Variants in CENPE observed in about 807,000 individuals in gnomAD.
The protein encoded by CENPE is centromere-associated protein E.
In CENPE, 145 loss-of-function variants were observed where a neutral mutation model predicts 336.1. That is an observed-to-expected ratio of 0.43 (90% confidence interval 0.38 to 0.50). The LOEUF (loss-of-function observed/expected upper bound fraction) is 0.50, where lower values mean the gene tolerates loss of function less well. Among genes scored for constraint, CENPE ranks in the 20% least tolerant of loss-of-function variants. The pLI is 0.00. For synonymous variants in CENPE, 1,013 were observed against 984.8 expected (o/e 1.03, Z -0.54); for missense variants, 2,719 against 3,023.3 (o/e 0.90, Z 2.36).
intron 42 of CENPE, among the ~76,000 whole-genome samples, chr4:103,123,590 C>T (rs113525994): frequency 4.6e-5 from 7 of 152,116 alleles, no homozygotes; most frequent in Admixed American, 1.3e-4. Flanking sequence ...ATCTTTTATC[C>T]GTGGAATTGT....
intron 42 of CENPE, among the ~76,000 whole-genome samples, chr4:103,130,217 TAAAAC>T (rs896453458): frequency 2.6e-5 from 4 of 151,948 alleles, no homozygotes; most frequent in African/African-American, 9.7e-5. Flanking sequence ...AAAGAAGAAA[TAAAAC>T]AAAACTCTCT....
chr4:103,140,463 A>G, intron 36 of CENPE, 49 bp from the exon 37 acceptor site: 9 of 1,242,680 alleles, frequency 7.2e-6, no homozygotes, highest in Non-Finnish European at 1.0e-5. Flanking sequence ...AAGGCACGTT[A>G]CCTTTACTTA....
chr4:103,133,916 T>C (rs1261555190), intron 40 of CENPE, 24 bp from the exon 41 acceptor site: 1 of 1,475,564 alleles, frequency 6.8e-7, no homozygotes, highest in South Asian at 1.2e-5. Context: ...ATTAAACAAA[T>C]TGGTAAATGA....
intron 43 of CENPE, 79 bp from the exon 44 acceptor site, chr4:103,120,412 A>G: frequency 8.6e-7 from 1 of 1,164,346 alleles, no homozygotes; most frequent in East Asian, 2.5e-5. Context: ...AGAGATGATC[A>G]TATTTAGATA....
chr4:103,185,783 C>T (rs113818074), intron 9 of CENPE, 27 bp downstream of exon 9: 15 of 1,573,538 alleles, frequency 9.5e-6, no homozygotes, highest in South Asian at 4.6e-5. Context: ...GACATTAAGA[C>T]TAACATATTT....
At chr4:103,119,591 G>A (rs566044619) in intron 44 of CENPE, among the ~76,000 whole-genome samples, 1 of 152,302 alleles carries the variant, frequency 6.6e-6, no homozygotes, top group East Asian at 1.9e-4. Context: ...GAGCAGAACA[G>A]CAAATTTAAA....
In CENPE at chr4:103,136,434, T is replaced by G; in HGVS notation, c.6304-75A>C. ...ACAATAAGTAGTTACAACTCTAGAATTGTAACAAAACTTATGCTTTAACAT... is the reference window on the plus strand; with the variant it reads ...ACAATAAGTAGTTACAACTCTAGAAGTGTAACAAAACTTATGCTTTAACAT... On this transcript the variant is annotated intron_variant, in intron 39 of 48. Transcript: ENST00000265148. 7 of 1,016,928 alleles carry G rather than the reference T, an allele frequency of 6.9e-6. No homozygotes were observed. The South Asian group carries it at 1.2e-4, about 17-fold the overall frequency. 63.0% of individuals were successfully genotyped at this position (1,016,928 alleles called of 1,614,324 possible).
At chr4:103,111,061 G>A in intron 46 of CENPE, 50 bp from the exon 47 acceptor site, 2 of 1,351,916 alleles carry the variant, frequency 1.5e-6, no homozygotes, top group Non-Finnish European at 2.0e-6. Context: ...TGTCTCCAAA[G>A]TTCAAAATAA....
chr4:103,190,401 G>GTAT, intron 8 of CENPE, among the ~76,000 whole-genome samples: 1 of 152,214 alleles, frequency 6.6e-6, no homozygotes, highest in Non-Finnish European at 1.5e-5. Context: ...TATACTACAA[G>GTAT]GCTACAGTAA....
intron 13 of CENPE, among the ~76,000 whole-genome samples, chr4:103,180,071 G>T (rs970920783): frequency 1.3e-5 from 2 of 152,096 alleles, no homozygotes; most frequent in Non-Finnish European, 2.9e-5. Context: ...TTATTAAGCA[G>T]AATATTGCAA....
At chr4:103,110,804 C>A in intron 47 of CENPE, 24 bp downstream of exon 47, 2 of 1,535,066 alleles carry the variant, frequency 1.3e-6, no homozygotes, top group Non-Finnish European at 1.8e-6. Context: ...AGCATAATAT[C>A]CGTATCATGT....
intron 42 of CENPE, among the ~76,000 whole-genome samples, chr4:103,127,433 T>C (rs1328510279): frequency 6.6e-6 from 1 of 152,082 alleles, no homozygotes; most frequent in Non-Finnish European, 1.5e-5. Context: ...AGACTGGTCT[T>C]GCAAGAAATA....
At chr4:103,132,352 C>G (rs1216526833) in intron 42 of CENPE, among the ~76,000 whole-genome samples, 16 of 152,166 alleles carry the variant, frequency 1.1e-4, no homozygotes. Flanking sequence ...CTGCCCATAG[C>G]TTGAAACAGA....
chr4:103,128,053 T>C (rs776283389), intron 42 of CENPE, among the ~76,000 whole-genome samples: 16 of 151,920 alleles, frequency 1.1e-4, no homozygotes, highest in Non-Finnish European at 1.6e-4. Context: ...TAAGGACACA[T>C]AGATTAGAAA....
At chr4:103,194,919 C>A (rs1252893509) in intron 5 of CENPE, among the ~76,000 whole-genome samples, 195 bp downstream of exon 5, 1 of 151,662 alleles carries the variant, frequency 6.6e-6, no homozygotes, top group African/African-American at 2.4e-5. Flanking sequence ...ACACTTAAAC[C>A]AAAATATTAG....
rs1273541102 is a variant in CENPE, at chr4:103,108,812, G to A, written c.8002C>T (p.Leu2668Phe). 3 of 1,613,176 alleles carry A rather than the reference G, an allele frequency of 1.9e-6. No homozygotes were observed. Among genetic ancestry groups the A allele is most frequent in the Non-Finnish European group, 2.5e-6 (3 of 1,179,562 alleles). ...VRYFDNSSLG[L>F]CPEVQNAGAE... is the part of the protein sequence containing the mutation. ...CAGTATATTTACTTACCTGGACAAA[G>A]GCCTAAACTTGAGTTATCAAAATAG... Residue 2668 changes from leucine (L) to phenylalanine (F), a missense_variant, in exon 48 of 49, where the codon CTT (leucine) becomes TTT (phenylalanine). This residue lies in a region of CENPE where 2,437 missense variants were observed against 2,513.3 expected (regional missense o/e 0.97). Coordinates refer to ENST00000265148, the MANE Select transcript of CENPE (RefSeq NM_001813.3).
In CENPE at chr4:103,158,784, T is replaced by G. The variant is rs778902842; in HGVS notation, c.2704A>C (p.Thr902Pro). 1.9e-6 allele frequency: 3 copies of G among 1,613,292 alleles called. No individual in the cohort carries two copies. The highest frequency in any genetic ancestry group is 1.1e-5 in the South Asian group (1 of 91,046). The change falls in exon 23 of 49, where the codon ACG becomes CCG. Residue 902 changes from threonine to proline, a missense_variant. Physicochemically the swap from Thr to Pro is conservative, Grantham distance 38 (BLOSUM62 -1). Transcript: ENST00000265148. Reference protein sequence around the residue: ...LKEQLENRDSTLQTVEREKTL... With the variant: ...LKEQLENRDSPLQTVEREKTL... ...TTCTCCCTTTCTACAGTTTGCAGCG[T>G]AGAATCTCTATTTTCTAATTGTTCC...
At chr4:103,113,177 A>AGT (rs1414146021) in intron 46 of CENPE, among the ~76,000 whole-genome samples, 2 of 132,486 alleles carry the variant, frequency 1.5e-5, no homozygotes, top group Non-Finnish European at 3.2e-5. Context: ...TAAGTATATA[A>AGT]GTGTATATAT....
rs368830335 is a variant in CENPE at position 103,141,920 on chromosome 4, G to A, written c.5305-12C>T. On this transcript the variant is annotated splice_polypyrimidine_tract_variant and intron_variant, in intron 34 of 48. Transcript: ENST00000265148. ...TGTATTTTCAGATCCTTTACCATTA[G>A]AGAAATTTTAAAAACAGTGACATAT... 73 of 1,520,500 alleles carry A rather than the reference G, an allele frequency of 4.8e-5. No individual in the cohort carries two copies. The African/African-American group carries it at 8.3e-4, about 17-fold the overall frequency. The allele number at this position is 1,520,500 out of a possible 1,614,324, so 94.2% of individuals were successfully genotyped here. A position where few individuals can be genotyped will look rare whatever the true frequency, so the allele number is the denominator to read the frequency against.
Sources: gnomAD v4.1 joint callset for allele counts (sites outside exome capture counted in the v4.1 genomes callset) on GRCh38, gnomAD v4.1.1 for gene constraint, gnomAD v4.1.1 regional missense constraint, MANE v1.5 for transcripts, NCBI Gene and HGNC (gene_info 2026-07-23, HGNC 2026-07-21) for gene names.